GPR158: variants seen among roughly 807,000 people sequenced by gnomAD.
The protein encoded by GPR158 is G protein-coupled receptor 158.
GPR158 carries 30 observed loss-of-function variants against 78.2 expected under a neutral mutation model. That is an observed-to-expected ratio of 0.38 (90% CI 0.29 to 0.52). The LOEUF (loss-of-function observed/expected upper bound fraction) is 0.52. GPR158 is among the 20% of genes least tolerant of loss of function. The pLI is 0.83. For missense variants in GPR158, 1,463 were observed against 1,523.5 expected (o/e 0.96, Z 0.66); for synonymous variants, 581 against 591.1 (o/e 0.98, Z 0.25).
chr10:25,349,431 T>C lies in GPR158; in HGVS notation c.1009-46480T>C, dbSNP rs150963363. ...GCTCTGTGTCCCCACCAAAATCTCA[T>C]TTTGAGTTCCCAGTGTTGGAGGAAG... On this transcript the variant is annotated intron_variant, in intron 2 of 10. Transcript: ENST00000376351. Among the ~76,000 whole-genome samples the C allele has an allele frequency of 3.5e-4, 52 of 147,966 alleles. 2 individuals are homozygous for C. The East Asian group carries it at 9.6e-3, about 27-fold the overall frequency.
chr10:25,448,741 G>A (rs1487951071), intron 4 of GPR158, among the ~76,000 whole-genome samples: 2 of 152,122 alleles, frequency 1.3e-5, no homozygotes, highest in South Asian at 2.1e-4. Flanking sequence ...TCAATGTATG[G>A]AAATTCCATT....
chr10:25,398,042 G>A (rs1834389735), intron 3 of GPR158, among the ~76,000 whole-genome samples: 1 of 152,086 alleles, frequency 6.6e-6, no homozygotes, highest in South Asian at 2.1e-4. Context: ...AGAAAACAGG[G>A]ACTTCGACTA....
intron 4 of GPR158, among the ~76,000 whole-genome samples, chr10:25,413,166 A>AC (rs957532316): frequency 2.0e-5 from 3 of 151,968 alleles, no homozygotes; most frequent in African/African-American, 7.3e-5. Context: ...ACAAAAAAAA[A>AC]CACAAATTTT....
chr10:25,241,223 T>TTCTTTCC lies in GPR158; in HGVS notation c.1008+20067_1008+20068insCTTTCCT, dbSNP rs1372596936. 7.4e-3 allele frequency among the ~76,000 whole-genome samples: 705 copies of TTCTTTCC among 95,238 alleles called. 21 individuals are homozygous for TTCTTTCC. The highest frequency in any genetic ancestry group is 0.014 in the East Asian group (37 of 2,672). 62.5% of individuals were successfully genotyped at this position (95,238 alleles called of 152,430 possible). A position where few individuals can be genotyped will look rare whatever the true frequency, so the allele number is the denominator to read the frequency against. Reference sequence around the variant, plus strand: ...CTTTCCTTTCTTTCCTTTCTTTCCTTTTTCTTTCCTTTCTTTCCTTTCTTT... The same window carrying TTCTTTCC: ...CTTTCCTTTCTTTCCTTTCTTTCCTTTCTTTCCTTTCTTTCCTTTCTTTCCTTTCTTT... On this transcript the variant is annotated intron_variant, in intron 2 of 10. Transcript: ENST00000376351.
chr10:25,421,901 C>A (rs1189181318), intron 4 of GPR158, among the ~76,000 whole-genome samples: 1 of 151,998 alleles, frequency 6.6e-6, no homozygotes, highest in Non-Finnish European at 1.5e-5. Flanking sequence ...TTTTTTGATT[C>A]TCACCACATT....
At chr10:25,479,017 G>A (rs1280238612) in intron 5 of GPR158, among the ~76,000 whole-genome samples, 1 of 72,646 alleles carries the variant, frequency 1.4e-5, no homozygotes, top group East Asian at 0.016. Flanking sequence ...TGGTGTATAT[G>A]TGCCACTTTT....
At chr10:25,462,295 C>G (rs1358489890) in intron 4 of GPR158, among the ~76,000 whole-genome samples, 2 of 152,140 alleles carry the variant, frequency 1.3e-5, no homozygotes, top group African/African-American at 4.8e-5. Context: ...TTTAAGCCCA[C>G]TGATGAGACT....
intron 2 of GPR158, among the ~76,000 whole-genome samples, chr10:25,287,280 G>A (rs1231497499): frequency 2.0e-5 from 3 of 151,830 alleles, no homozygotes; most frequent in Admixed American, 1.3e-4. Context: ...TTTCACTAGT[G>A]CCCTAAGGGT....
intron 5 of GPR158, among the ~76,000 whole-genome samples, chr10:25,515,271 G>C (rs1407801463): frequency 6.6e-6 from 1 of 151,800 alleles, no homozygotes; most frequent in South Asian, 2.1e-4. Flanking sequence ...TCTTCTACTT[G>C]TTTGATTCTA....
intron 2 of GPR158, among the ~76,000 whole-genome samples, chr10:25,286,628 C>T (rs1337783874): frequency 1.3e-5 from 2 of 151,778 alleles, no homozygotes; most frequent in Non-Finnish European, 2.9e-5. Flanking sequence ...TTTGATGGCT[C>T]ATAACTTTTT....
chr10:25,414,943 A>G (rs1238722486), intron 4 of GPR158, among the ~76,000 whole-genome samples: 2 of 152,118 alleles, frequency 1.3e-5, no homozygotes, highest in African/African-American at 4.8e-5. Context: ...ATACTGTGAG[A>G]CTTTGTGAGA....
At chr10:25,179,498 C>T (rs1379991165) in intron 1 of GPR158, among the ~76,000 whole-genome samples, 2 of 151,892 alleles carry the variant, frequency 1.3e-5, no homozygotes, top group African/African-American at 2.4e-5. Context: ...TAATATAAAT[C>T]GAAAGCATGA....
Position 25,202,716 on chromosome 10 carries a change from C to T in GPR158, c.903-18336C>T, listed in dbSNP as rs150125358. ...TGTGAATAGTGCTGCAATAAACATA[C>T]GTGTGCATGTGCCTTTATAGCAGCA... On this transcript the variant is annotated intron_variant, in intron 1 of 10. Transcript: ENST00000376351. Among the ~76,000 whole-genome samples the T allele has an allele frequency of 5.7e-3, 864 of 152,232 alleles. 11 individuals carry two copies. The highest frequency in any genetic ancestry group is 0.02 in the African/African-American group (825 of 41,536).
At chr10:25,270,070 T>C (rs1854097677) in intron 2 of GPR158, among the ~76,000 whole-genome samples, 2 of 152,280 alleles carry the variant, frequency 1.3e-5, no homozygotes, top group South Asian at 4.1e-4. Flanking sequence ...TTTGGGGAGA[T>C]CTACGGGTTG....
rs1424181185 is a variant in GPR158 at position 25,176,870 on chromosome 10, C to T, written c.902+548C>T. The stretch of plus-strand genomic sequence containing the variant: ...CTTATAATTAAAACTGTGCCATCTC[C>T]TCGCAGTTCCGGCCCCTCAGCAGTG... On this transcript the variant is annotated intron_variant, in intron 1 of 10. Transcript: ENST00000376351. This position sits in a 1 kb window ranked among gnomAD's most constrained non-coding sequence, Gnocchi z 6.3. Among the ~76,000 whole-genome samples the T allele has an allele frequency of 2.6e-5, 4 of 152,214 alleles. No homozygotes were observed. Among genetic ancestry groups the T allele is most frequent in the Non-Finnish European group, 4.4e-5 (3 of 68,044 alleles).
chr10:25,305,277 A>G (rs1282575209), intron 2 of GPR158, among the ~76,000 whole-genome samples: 1 of 152,158 alleles, frequency 6.6e-6, no homozygotes, highest in East Asian at 1.9e-4. Context: ...GACACTTAGC[A>G]TTACATGTTT....
chr10:25,419,667 G>A (rs1474864849), intron 4 of GPR158, among the ~76,000 whole-genome samples: 2 of 152,044 alleles, frequency 1.3e-5, no homozygotes, highest in Admixed American at 6.6e-5. Flanking sequence ...TTGTTTTGTT[G>A]TTGTTGTTGT....
intron 5 of GPR158, among the ~76,000 whole-genome samples, chr10:25,484,275 T>C (rs982543478): frequency 6.6e-6 from 1 of 152,180 alleles, no homozygotes; most frequent in African/African-American, 2.4e-5. Context: ...TCTCCATGGC[T>C]CACATTCTCA....
intron 2 of GPR158, among the ~76,000 whole-genome samples, chr10:25,302,285 C>T (rs1380236626): frequency 4.0e-5 from 6 of 149,964 alleles, no homozygotes; most frequent in African/African-American, 1.2e-4. Flanking sequence ...GGAGTTTCAC[C>T]GTGTTAGCCA....
Sources: allele counts gnomAD v4.1 joint callset (sites outside exome capture counted in the v4.1 genomes callset), GRCh38; gene constraint gnomAD v4.1.1; non-coding constraint Gnocchi (gnomAD v3.1); transcripts MANE v1.5; gene names NCBI Gene and HGNC (gene_info 2026-07-23, HGNC 2026-07-21).